Variants in CALN1 observed in about 807,000 individuals in gnomAD.
The protein encoded by CALN1 is calcium-binding protein 8.
CALN1 carries 17 observed loss-of-function variants against 30.6 expected under a neutral mutation model. The observed-to-expected ratio is 0.56, with a 90% CI of 0.38 to 0.83. The LOEUF (loss-of-function observed/expected upper bound fraction) is 0.83. CALN1 is among the 40% of genes least tolerant of loss of function. CALN1 has a pLI of 0.00. For synonymous variants in CALN1, 156 were observed against 131.4 expected (o/e 1.19, Z -1.28); for missense variants, 291 against 354.9 (o/e 0.82, Z 1.45).
intron 3 of CALN1, among the ~76,000 whole-genome samples, chr7:72,156,846 C>G (rs1787718763): frequency 6.6e-6 from 1 of 152,174 alleles, no homozygotes; most frequent in Non-Finnish European, 1.5e-5. Context: ...ATCACAACCC[C>G]ACCTGCAAAA....
intron 2 of CALN1, among the ~76,000 whole-genome samples, chr7:72,379,366 A>G (rs1487745336): frequency 6.6e-6 from 1 of 152,230 alleles, no homozygotes; most frequent in Non-Finnish European, 1.5e-5. Context: ...CCCTAAATAA[A>G]GTATATCCAA....
chr7:72,142,329 C>T (rs1005486359), intron 3 of CALN1, among the ~76,000 whole-genome samples: 7 of 152,182 alleles, frequency 4.6e-5, no homozygotes, highest in East Asian at 1.9e-4. Context: ...GATTATATTC[C>T]GTGCCTGGCT....
At position 72,402,974 on chromosome 7, in the gene CALN1, G is replaced by C. The variant is rs139192678; in HGVS notation, c.119+277C>G. On this transcript the variant is annotated intron_variant, in intron 2 of 6. Coordinates refer to ENST00000395275, the MANE Select transcript of CALN1 (RefSeq NM_031468.4). Reference sequence around the variant, plus strand: ...GTACATAGTCCACACTCTGTAAGTTGTATTTGTCATTGTTCACCTGAAAAC... The same window carrying C: ...GTACATAGTCCACACTCTGTAAGTTCTATTTGTCATTGTTCACCTGAAAAC... Among the ~76,000 whole-genome samples, 6 of 152,300 alleles carry C rather than the reference G, an allele frequency of 3.9e-5. No individual in the cohort carries two copies. The South Asian group carries it at 1.2e-3, about 32-fold the overall frequency.
At chr7:72,223,013 C>T (rs1343512002) in intron 3 of CALN1, among the ~76,000 whole-genome samples, 1 of 152,088 alleles carries the variant, frequency 6.6e-6, no homozygotes, top group East Asian at 1.9e-4. Context: ...AAAGCAAGAC[C>T]TTGTCTCTAA....
chr7:72,294,938 C>T (rs1399932673), intron 2 of CALN1, among the ~76,000 whole-genome samples: 1 of 151,924 alleles, frequency 6.6e-6, no homozygotes, highest in African/African-American at 2.4e-5. Flanking sequence ...TGTGTGTCCC[C>T]CAGAGATCCG....
chr7:72,075,435 A>G (rs193117878), intron 4 of CALN1, among the ~76,000 whole-genome samples: 2 of 152,350 alleles, frequency 1.3e-5, no homozygotes, highest in Admixed American at 1.3e-4. Flanking sequence ...CTTTTAGTTC[A>G]GCTGAAACAA....
At position 71,782,605 on chromosome 7, in the gene CALN1, T is replaced by C. The variant is rs975940761; in HGVS notation, c.*5170A>G. 2.6e-5 allele frequency: 4 copies of C among 152,206 alleles called. No homozygotes were observed. The highest frequency in any genetic ancestry group is 2.9e-5 in the Non-Finnish European group (2 of 68,050). 9.4% of individuals were successfully genotyped at this position (152,206 alleles called of 1,614,324 possible). ...CCGAGTGACTTAGTCAAAGCAAGTA[T>C]GAAGTGAAGCTGAACAGTTGTGACA... On this transcript the variant is annotated 3_prime_UTR_variant, in exon 7 of 7. Coordinates refer to ENST00000395275, the MANE Select transcript of CALN1 (RefSeq NM_031468.4).
intron 3 of CALN1, among the ~76,000 whole-genome samples, chr7:72,156,596 T>C (rs994138407): frequency 2.6e-5 from 4 of 152,154 alleles, no homozygotes; most frequent in African/African-American, 9.7e-5. Flanking sequence ...TGAGTCCCCA[T>C]GTCACCACCG....
intron 3 of CALN1, among the ~76,000 whole-genome samples, chr7:72,190,154 G>A (rs752927161): frequency 1.3e-5 from 2 of 152,232 alleles, no homozygotes; most frequent in South Asian, 2.1e-4. Context: ...TCAGGAGTTC[G>A]AGATCAGCCT....
chr7:72,023,210 TTGA>T, intron 5 of CALN1, among the ~76,000 whole-genome samples: 1 of 152,330 alleles, frequency 6.6e-6, no homozygotes, highest in East Asian at 1.9e-4. Context: ...CAGGAGCTAA[TTGA>T]GAAGCACTGA....
intron 5 of CALN1, among the ~76,000 whole-genome samples, chr7:71,932,774 T>C (rs936329822): frequency 4.2e-5 from 6 of 141,356 alleles, no homozygotes; most frequent in Non-Finnish European, 7.5e-5. Context: ...CGAGATCGCA[T>C]CACTGCACTC....
chr7:72,438,990 T>G lies in CALN1; in HGVS notation c.-226+8052A>C, dbSNP rs890218904. Among the ~76,000 whole-genome samples, 3 of 152,184 alleles carry G rather than the reference T, an allele frequency of 2.0e-5. 1 individual carries two copies. The highest frequency in any genetic ancestry group is 4.4e-5 in the Non-Finnish European group (3 of 68,036). On this transcript the variant is annotated intron_variant, in intron 1 of 6. Coordinates refer to the CALN1 transcript ENST00000395276. ...GTTGAACCTCAAACCCTGTGGGGGT[T>G]AGGGGTGCTGCTCCCCCTACCCCAT... is the stretch of plus-strand genomic sequence containing the variant.
upstream of CALN1, among the ~76,000 whole-genome samples, chr7:72,415,203 C>G (rs1467637789): frequency 1.3e-5 from 2 of 152,266 alleles, no homozygotes; most frequent in African/African-American, 4.8e-5. Context: ...TTTGTTATGG[C>G]AGCCTGAGCA....
At chr7:72,074,057 T>C (rs1804573593) in intron 4 of CALN1, among the ~76,000 whole-genome samples, 1 of 152,156 alleles carries the variant, frequency 6.6e-6, no homozygotes, top group African/African-American at 2.4e-5. Flanking sequence ...GGATAAGAAC[T>C]GGGGAGAATC....
At chr7:71,913,717 T>A (rs1451088217) in intron 5 of CALN1, 1 of 152,328 alleles carries the variant, frequency 6.6e-6, no homozygotes, top group Non-Finnish European at 1.5e-5. Flanking sequence ...ACTACAGGCA[T>A]GCACCATCAC....
chr7:72,095,297 A>C (rs1353827574), intron 4 of CALN1, among the ~76,000 whole-genome samples: 1 of 152,178 alleles, frequency 6.6e-6, no homozygotes, highest in Non-Finnish European at 1.5e-5. Context: ...CTCTGCATGC[A>C]TTAGCTAGTA....
chr7:72,303,799 C>A (rs2129555820), intron 2 of CALN1, among the ~76,000 whole-genome samples: 1 of 152,094 alleles, frequency 6.6e-6, no homozygotes, highest in Admixed American at 6.5e-5. Context: ...CCCTTGAGCC[C>A]AGGAGATCAA....
intron 2 of CALN1, among the ~76,000 whole-genome samples, chr7:72,327,418 G>GGCGGA (rs1437370253): frequency 3.9e-5 from 6 of 152,210 alleles, no homozygotes; most frequent in African/African-American, 1.4e-4. Flanking sequence ...GAATCCAGCA[G>GGCGGA]GCGGAGGTTG....
rs1323200924 is a variant in CALN1 at position 71,962,421 on chromosome 7, G to A, written c.501+61236C>T. ...CAGCCTCCAATAAATTAATTAATGT[G>A]AGCAGAAGCCAATTACCTGTAACAA... is the stretch of plus-strand genomic sequence containing the variant. On this transcript the variant is annotated intron_variant, in intron 5 of 6. Transcript: ENST00000395275. 2.0e-5 allele frequency among the ~76,000 whole-genome samples: 3 copies of A among 152,010 alleles called. 1 individual carries two copies. In the South Asian group the frequency reaches 6.2e-4, roughly 32 times the overall value.
Sources: gnomAD v4.1 joint callset for allele counts (sites outside exome capture counted in the v4.1 genomes callset) on GRCh38, gnomAD v4.1.1 for gene constraint, MANE v1.5 for transcripts, NCBI Gene and HGNC (gene_info 2026-07-23, HGNC 2026-07-21) for gene names.